MCPH1: variants seen among roughly 807,000 people sequenced by gnomAD.
MCPH1 encodes microcephalin.
A neutral mutation model predicts 84.5 loss-of-function variants in MCPH1; 104 were observed. The ratio of observed to expected loss-of-function variants is 1.23; its 90% CI spans 1.05 to 1.45. MCPH1 has a LOEUF of 1.45. MCPH1 is among the 40% of genes most tolerant of loss of function. The pLI, the probability that MCPH1 is intolerant of heterozygous loss-of-function variation, is 0.00. For synonymous variants in MCPH1, 514 were observed against 366.8 expected (o/e 1.40, Z -4.58); for missense variants, 1,498 against 1,005.7 (o/e 1.49, Z -6.62).
At chr8:6,628,195 G>A (rs956574659) in intron 13 of MCPH1, among the ~76,000 whole-genome samples, 7 of 152,034 alleles carry the variant, frequency 4.6e-5, no homozygotes, top group Non-Finnish European at 1.0e-4. Flanking sequence ...TTAAGGCTGG[G>A]CGCAGTGGCT....
chr8:6,469,268 T>C (rs577129184), intron 9 of MCPH1, among the ~76,000 whole-genome samples: 1 of 152,300 alleles, frequency 6.6e-6, no homozygotes, highest in African/African-American at 2.4e-5. Flanking sequence ...AAATTAAAAA[T>C]GGGGGAATAT....
At chr8:6,420,059 G>A (rs1282796112) in intron 3 of MCPH1, among the ~76,000 whole-genome samples, 4 of 151,564 alleles carry the variant, frequency 2.6e-5, no homozygotes, top group South Asian at 2.1e-4. Context: ...GAGGGAGGGA[G>A]GAGGGAGGGG....
intron 10 of MCPH1, among the ~76,000 whole-genome samples, chr8:6,480,018 G>T (rs1186994067): frequency 7.9e-5 from 12 of 152,100 alleles, no homozygotes; most frequent in Admixed American, 7.8e-4. Flanking sequence ...TTGGTTCTGA[G>T]CATGCACAGA....
intron 12 of MCPH1, among the ~76,000 whole-genome samples, chr8:6,574,411 G>T (rs1346535997): frequency 2.6e-5 from 4 of 152,246 alleles, no homozygotes; most frequent in East Asian, 3.9e-4. Context: ...CCCACTCCAG[G>T]AGGACCTCCT....
intron 11 of MCPH1, among the ~76,000 whole-genome samples, chr8:6,491,356 G>A (rs1810553505): frequency 6.8e-6 from 1 of 146,722 alleles, no homozygotes. Flanking sequence ...ATAAACAGAA[G>A]TAGAGTCTAT....
intron 12 of MCPH1, among the ~76,000 whole-genome samples, chr8:6,572,002 A>G (rs1314889631): frequency 6.6e-6 from 1 of 152,164 alleles, no homozygotes; most frequent in Admixed American, 6.5e-5. Flanking sequence ...TAAAAACGCT[A>G]TTTCAAGCAT....
At chr8:6,476,262 C>T (rs1271386130) in intron 9 of MCPH1, among the ~76,000 whole-genome samples, 1 of 151,958 alleles carries the variant, frequency 6.6e-6, no homozygotes, top group South Asian at 2.1e-4. Flanking sequence ...AACCCTGTCT[C>T]TACTAGAAAT....
At chr8:6,438,846 G>A (rs1425346882) in intron 5 of MCPH1, 107 bp from the exon 6 acceptor site, 1 of 980,280 alleles carries the variant, frequency 1.0e-6, no homozygotes, top group Non-Finnish European at 1.6e-6. Context: ...GATGTTGAAA[G>A]GGAAGAAGGA....
chr8:6,440,150 T>C (rs1365642187), intron 6 of MCPH1, among the ~76,000 whole-genome samples: 1 of 152,252 alleles, frequency 6.6e-6, no homozygotes, highest in African/African-American at 2.4e-5. Flanking sequence ...GTTTTGATAT[T>C]GAAAATCTAT....
At chr8:6,498,665 G>A (rs1364005564) in intron 11 of MCPH1, among the ~76,000 whole-genome samples, 2 of 152,178 alleles carry the variant, frequency 1.3e-5, no homozygotes, top group African/African-American at 2.4e-5. Context: ...TCACTGGTAC[G>A]TTGTATTTCT....
intron 12 of MCPH1, among the ~76,000 whole-genome samples, chr8:6,505,366 TAG>T (rs1813277072): frequency 1.3e-5 from 1 of 79,704 alleles, no homozygotes; most frequent in Non-Finnish European, 2.4e-5. Flanking sequence ...TATATGTATA[TAG>T]AATATATATA....
chr8:6,575,398 T>A (rs972460462), intron 12 of MCPH1, among the ~76,000 whole-genome samples: 1 of 152,182 alleles, frequency 6.6e-6, no homozygotes, highest in African/African-American at 2.4e-5. Context: ...GTTCTGCAGA[T>A]CATGGCATGT....
At chr8:6,536,367 C>G (rs1820502197) in intron 12 of MCPH1, among the ~76,000 whole-genome samples, 1 of 151,510 alleles carries the variant, frequency 6.6e-6, no homozygotes, top group Non-Finnish European at 1.5e-5. Flanking sequence ...AAAATGTTAG[C>G]TCAACCCAGA....
At chr8:6,439,137 C>A in intron 6 of MCPH1, 41 bp downstream of exon 6, 1 of 1,582,880 alleles carries the variant, frequency 6.3e-7, no homozygotes, top group Non-Finnish European at 8.6e-7. Context: ...TGCAAATAGC[C>A]GATTCAATTA....
chr8:6,534,527 C>G lies in MCPH1; in HGVS notation c.2214+34598C>G, dbSNP rs150841720. Among the ~76,000 whole-genome samples, 117 of 152,242 alleles carry G rather than the reference C, an allele frequency of 7.7e-4. 5 individuals are homozygous for G. Among genetic ancestry groups the G allele is most frequent in the African/African-American group, 2.6e-3 (108 of 41,526 alleles). On this transcript the variant is annotated intron_variant, in intron 12 of 13. Coordinates refer to ENST00000344683, the MANE Select transcript of MCPH1 (RefSeq NM_024596.5). The stretch of plus-strand genomic sequence containing the variant: ...CAAGCCATCCACCCGCCTCAGCCCC[C>G]CAAAGTGCTGGGACTACGAGCGTGA...
chr8:6,641,669 A>G (rs913039889), intron 13 of MCPH1, among the ~76,000 whole-genome samples: 2 of 152,210 alleles, frequency 1.3e-5, no homozygotes, highest in Non-Finnish European at 2.9e-5. Context: ...ACCTGAGTCC[A>G]GGAGACTGAG....
intron 13 of MCPH1, among the ~76,000 whole-genome samples, chr8:6,628,846 T>C (rs1796952452): frequency 6.6e-6 from 1 of 152,244 alleles, no homozygotes; most frequent in African/African-American, 2.4e-5. Flanking sequence ...CCCTTGGTTT[T>C]AGGCTGTCTT....
chr8:6,450,732 G>T (rs1021952571), intron 8 of MCPH1, among the ~76,000 whole-genome samples: 9 of 151,940 alleles, frequency 5.9e-5, no homozygotes, highest in Non-Finnish European at 1.2e-4. Flanking sequence ...TGATTTACAG[G>T]AGTTGGGGTT....
At chr8:6,584,246 G>A (rs184973865) in intron 12 of MCPH1, among the ~76,000 whole-genome samples, 21 of 152,294 alleles carry the variant, frequency 1.4e-4, no homozygotes, top group East Asian at 7.7e-4. Context: ...GAAGGAAACC[G>A]TAAGTTCATC....
Sources: allele counts gnomAD v4.1 joint callset (sites outside exome capture counted in the v4.1 genomes callset), GRCh38; gene constraint gnomAD v4.1.1; transcripts MANE v1.5; gene names NCBI Gene and HGNC (gene_info 2026-07-23, HGNC 2026-07-21).